CBLB: variants seen among roughly 807,000 people sequenced by gnomAD.
CBLB encodes Cbl proto-oncogene B, also known as E3 ubiquitin-protein ligase CBL-B.
In CBLB, 31 loss-of-function variants were observed where a neutral mutation model predicts 104.9. The ratio of observed to expected loss-of-function variants is 0.30; its 90% CI spans 0.22 to 0.40. The LOEUF (loss-of-function observed/expected upper bound fraction) is 0.40. Among genes scored for constraint, CBLB ranks in the 10% least tolerant of loss-of-function variants. The pLI, the probability that CBLB is intolerant of heterozygous loss-of-function variation, is 1.00. For missense variants in CBLB, 1,062 were observed against 1,214.6 expected, an observed-to-expected ratio of 0.87 and a Z score of 1.87; for synonymous variants, 440 against 422.6, an observed-to-expected ratio of 1.04 and a Z score of -0.51.
At chr3:105,766,838 G>A (rs1302273962) in intron 4 of CBLB, among the ~76,000 whole-genome samples, 1 of 152,140 alleles carries the variant, frequency 6.6e-6, no homozygotes, top group Admixed American at 6.5e-5. Flanking sequence ...TCTGAGGTAT[G>A]CATGTACTAG....
chr3:105,702,022 AC>A, intron 12 of CBLB, 71 bp downstream of exon 12: 2 of 1,576,234 alleles, frequency 1.3e-6, no homozygotes, highest in Non-Finnish European at 1.7e-6. Context: ...ACACTTCCCA[AC>A]CTTTTATGCT....
At chr3:105,822,433 A>T (rs2153060280) in intron 3 of CBLB, among the ~76,000 whole-genome samples, 1 of 152,044 alleles carries the variant, frequency 6.6e-6, no homozygotes, top group Non-Finnish European at 1.5e-5. Flanking sequence ...ACTAACCGGT[A>T]CTCTCTATTT....
chr3:105,842,676 C>T (rs1384118825), intron 3 of CBLB, among the ~76,000 whole-genome samples: 5 of 152,198 alleles, frequency 3.3e-5, no homozygotes, highest in African/African-American at 1.2e-4. Flanking sequence ...TGGAGTTGCC[C>T]TTCCCCTTTC....
At position 105,702,251 on chromosome 3, in the gene CBLB, G is replaced by T. The variant is rs773276515; in HGVS notation, c.1802C>A (p.Thr601Asn). 6.2e-7 allele frequency: 1 copy of T among 1,614,006 alleles called. No homozygotes were observed. Among genetic ancestry groups the T allele is most frequent in the Non-Finnish European group, 8.5e-7 (1 of 1,179,974 alleles). ...GAGTCGACATCCCACAAGCTGATTA[G>T]TCCCAAACACATCCCGAGGGCACCA... ...EAWCPRDVFG[T>N]NQLVGCRLLG... The change falls in exon 12 of 19, where the codon ACT (threonine) becomes AAT (asparagine). Residue 601 changes from threonine (T) to asparagine (N), a missense_variant. Coordinates refer to ENST00000394030, the MANE Select transcript of CBLB (RefSeq NM_170662.5).
intron 18 of CBLB, among the ~76,000 whole-genome samples, chr3:105,661,110 C>G (rs1402146803): frequency 6.6e-6 from 1 of 151,988 alleles, no homozygotes; most frequent in African/African-American, 2.4e-5. Context: ...GCCATGATGA[C>G]AGTCTTATTT....
At chr3:105,714,259 G>A (rs550458738) in intron 10 of CBLB, among the ~76,000 whole-genome samples, 50 of 152,256 alleles carry the variant, frequency 3.3e-4, no homozygotes, top group African/African-American at 1.2e-3. Flanking sequence ...GACTGGTTTC[G>A]TAGAAGACAT....
chr3:105,760,196 A>C (rs1339428515), intron 4 of CBLB, among the ~76,000 whole-genome samples: 1 of 152,214 alleles, frequency 6.6e-6, no homozygotes, highest in Non-Finnish European at 1.5e-5. Flanking sequence ...ATAGTCATAA[A>C]ATTATTTGTA....
intron 13 of CBLB, among the ~76,000 whole-genome samples, chr3:105,686,443 AAAGG>A (rs1202161446): frequency 6.6e-6 from 1 of 150,750 alleles, no homozygotes; most frequent in East Asian, 1.9e-4. Context: ...TTCAATTTAA[AAAGG>A]AAGGAAAAAA....
chr3:105,717,727 G>A (rs1223392925), intron 10 of CBLB, among the ~76,000 whole-genome samples: 1 of 152,140 alleles, frequency 6.6e-6, no homozygotes, highest in Non-Finnish European at 1.5e-5. Context: ...CTGGGGAACA[G>A]TACATCAATA....
chr3:105,729,155 T>A (rs914831882), intron 9 of CBLB, among the ~76,000 whole-genome samples: 4 of 152,014 alleles, frequency 2.6e-5, no homozygotes, highest in African/African-American at 9.7e-5. Flanking sequence ...ACCAACGTAG[T>A]AGAAAGTAAG....
At chr3:105,759,559 T>G (rs1215788321) in intron 4 of CBLB, among the ~76,000 whole-genome samples, 1 of 152,166 alleles carries the variant, frequency 6.6e-6, no homozygotes, top group African/African-American at 2.4e-5. Flanking sequence ...CAGTGCTCCT[T>G]GGTCCCAAAG....
At chr3:105,840,477 C>T (rs1411896437) in intron 3 of CBLB, among the ~76,000 whole-genome samples, 3 of 151,908 alleles carry the variant, frequency 2.0e-5, no homozygotes. Context: ...ATTTTCACAA[C>T]CATAAAATGT....
chr3:105,720,278 G>T (rs1559950857), intron 9 of CBLB, 28 bp from the exon 10 acceptor site: 2 of 1,579,784 alleles, frequency 1.3e-6, no homozygotes, highest in African/African-American at 2.7e-5. Flanking sequence ...GCATGGATTG[G>T]TTTTGTTCAA....
intron 3 of CBLB, among the ~76,000 whole-genome samples, chr3:105,780,526 C>T (rs979074913): frequency 2.0e-5 from 3 of 152,134 alleles, no homozygotes; most frequent in African/African-American, 4.8e-5. Flanking sequence ...ATGGAATTTT[C>T]GATATCAGTT....
At chr3:105,791,939 G>A (rs2081695163) in intron 3 of CBLB, among the ~76,000 whole-genome samples, 1 of 152,100 alleles carries the variant, frequency 6.6e-6, no homozygotes, top group South Asian at 2.1e-4. Flanking sequence ...CTTGTTTACA[G>A]CATTTTCATA....
intron 2 of CBLB, 32 bp from the exon 3 acceptor site, chr3:105,853,696 T>C: frequency 6.9e-7 from 1 of 1,444,888 alleles, no homozygotes; most frequent in Non-Finnish European, 9.5e-7. Context: ...AAATAAGTCA[T>C]AATATTTTAT....
At chr3:105,703,856 TA>T in intron 11 of CBLB, 131 bp downstream of exon 11, 1 of 789,626 alleles carries the variant, frequency 1.3e-6, no homozygotes, top group South Asian at 1.7e-5. Flanking sequence ...CACCATAAAC[TA>T]AACGAGAAAC....
At chr3:105,800,291 G>T (rs2082692684) in intron 3 of CBLB, among the ~76,000 whole-genome samples, 1 of 152,174 alleles carries the variant, frequency 6.6e-6, no homozygotes, top group African/African-American at 2.4e-5. Flanking sequence ...AGAGAGTTCA[G>T]TTCCCCCAGA....
At chr3:105,759,704 G>T (rs1434655200) in intron 4 of CBLB, among the ~76,000 whole-genome samples, 1 of 152,232 alleles carries the variant, frequency 6.6e-6, no homozygotes, top group African/African-American at 2.4e-5. Context: ...TGTGAGCAGG[G>T]TGAGGCCAGA....
Sources: gnomAD v4.1 joint callset for allele counts (sites outside exome capture counted in the v4.1 genomes callset) on GRCh38, gnomAD v4.1.1 for gene constraint, MANE v1.5 for transcripts, NCBI Gene and HGNC (gene_info 2026-07-23, HGNC 2026-07-21) for gene names.